The following CFAP100 variants were observed in gnomAD, a reference collection of about 807,000 sequenced individuals.
CFAP100 encodes the protein cilia- and flagella-associated protein 100.
CFAP100 carries 70 observed loss-of-function variants against 81.5 expected under a neutral mutation model. That is an observed-to-expected ratio of 0.86 (90% CI 0.71 to 1.05). The LOEUF is 1.05. Among genes scored for constraint, CFAP100 ranks in the 50% least tolerant of loss-of-function variants. The pLI is 0.00. For synonymous variants in CFAP100, 341 were observed against 314.8 expected, an observed-to-expected ratio of 1.08 and a Z score of -0.88; for missense variants, 811 against 776.5, an observed-to-expected ratio of 1.04 and a Z score of -0.53.
intron 13 of CFAP100, among the ~76,000 whole-genome samples, chr3:126,424,152 G>A (rs2083376654): frequency 6.6e-6 from 1 of 152,242 alleles, no homozygotes; most frequent in African/African-American, 2.4e-5. Context: ...GCTGTGAAGT[G>A]TGTCCCCTGC....
At position 126,407,241 on chromosome 3, in the gene CFAP100, GA is replaced by G; in HGVS notation, c.125del (p.Asn42ThrfsTer48). On this transcript the variant is annotated frameshift_variant, in exon 3 of 17. Coordinates refer to ENST00000352312, the MANE Select transcript of CFAP100 (RefSeq NM_182628.3). LOFTEE classifies it high-confidence loss of function. ...STEENPKKQARKNEEHGPDPS... is the reference protein window; with the variant it reads ...STEENPKKQAXKNEEHGPDPS... ...GAAGAGAACCCAAAGAAACAGGCAA[GA>G]AAAAACGAAGGTAACCTTCAAGCTG... The G allele has an allele frequency of 6.2e-7, 1 of 1,600,510 alleles. No individual in the cohort carries two copies. The highest frequency in any genetic ancestry group is 8.5e-7 in the Non-Finnish European group (1 of 1,172,266).
intron 13 of CFAP100, among the ~76,000 whole-genome samples, chr3:126,427,866 C>A (rs968889570): frequency 6.6e-6 from 1 of 152,182 alleles, no homozygotes; most frequent in African/African-American, 2.4e-5. Flanking sequence ...AGGGAACTTA[C>A]AGTCATAGCA....
At chr3:126,418,281 TTCTC>T in intron 5 of CFAP100, 173 bp from the exon 6 acceptor site, 1 of 610,194 alleles carries the variant, frequency 1.6e-6, no homozygotes, top group Non-Finnish European at 2.9e-6. Context: ...AGGCAGAGCC[TTCTC>T]TCTTTTTGTG....
chr3:126,426,335 C>T (rs1011944201), intron 13 of CFAP100, among the ~76,000 whole-genome samples: 5 of 151,912 alleles, frequency 3.3e-5, no homozygotes, highest in African/African-American at 4.8e-5. Flanking sequence ...TGGTGGCACA[C>T]ATCTGAAGTC....
At chr3:126,434,709 A>C in intron 15 of CFAP100, 1 of 287,734 alleles carries the variant, frequency 3.5e-6, no homozygotes, top group Non-Finnish European at 6.6e-6. Flanking sequence ...ACAGCAGTGG[A>C]GGGCTTTAAG....
intron 3 of CFAP100, among the ~76,000 whole-genome samples, chr3:126,408,875 A>G (rs965197396): frequency 6.6e-6 from 1 of 151,940 alleles, no homozygotes; most frequent in African/African-American, 2.4e-5. Flanking sequence ...TGCAGCCTCA[A>G]CCTCCTGGGT....
intron 1 of CFAP100, chr3:126,395,206 G>C (rs1415430602): frequency 1.3e-5 from 2 of 152,282 alleles, no homozygotes; most frequent in Non-Finnish European, 2.9e-5. Context: ...GTGTGGCTCG[G>C]GGCCTTGCAG....
At position 126,407,367 on chromosome 3, in the gene CFAP100, C is replaced by A. The variant is rs2083082054; in HGVS notation, c.130+115C>A. 7 of 603,474 alleles carry A rather than the reference C, an allele frequency of 1.2e-5. No individual in the cohort carries two copies. In the South Asian group the frequency reaches 1.7e-4, roughly 14 times the overall value. The allele number at this position is 603,474 out of a possible 1,614,324, so 37.4% of individuals were successfully genotyped here. A position where few individuals can be genotyped will look rare whatever the true frequency, so the allele number is the denominator to read the frequency against. On this transcript the variant is annotated intron_variant, in intron 3 of 16. Coordinates refer to ENST00000352312, the MANE Select transcript of CFAP100 (RefSeq NM_182628.3). ...GAGCTAAGGGCAGAAGGAAATGTTT[C>A]TCTTTCCATTAGGAATTGGGTTGAC...
At chr3:126,424,470 T>C (rs2083381232) in intron 13 of CFAP100, among the ~76,000 whole-genome samples, 1 of 152,188 alleles carries the variant, frequency 6.6e-6, no homozygotes, top group African/African-American at 2.4e-5. Flanking sequence ...GCTATTATGG[T>C]CCCTCCTGCT....
intron 14 of CFAP100, 40 bp downstream of exon 14, chr3:126,433,244 G>C (rs776766661): frequency 3.1e-6 from 5 of 1,610,050 alleles, no homozygotes; most frequent in Non-Finnish European, 4.2e-6. Context: ...CCAGGGTAAG[G>C]AGGGACCCTT....
chr3:126,421,903 T>C (rs2083337923), intron 11 of CFAP100, among the ~76,000 whole-genome samples: 1 of 152,254 alleles, frequency 6.6e-6, no homozygotes, highest in African/African-American at 2.4e-5. Flanking sequence ...CAGTTCTGCG[T>C]TGAGGAGCAG....
At chr3:126,426,265 C>G (rs2083402187) in intron 13 of CFAP100, among the ~76,000 whole-genome samples, 1 of 151,608 alleles carries the variant, frequency 6.6e-6, no homozygotes, top group Non-Finnish European at 1.5e-5. Flanking sequence ...GAGATCGAGA[C>G]CAGCCTGGGC....
At chr3:126,411,659 G>C (rs2083158722) in intron 3 of CFAP100, among the ~76,000 whole-genome samples, 1 of 151,980 alleles carries the variant, frequency 6.6e-6, no homozygotes, top group African/African-American at 2.4e-5. Flanking sequence ...TGTGTTTCCA[G>C]GAATTTACCA....
intron 2 of CFAP100, among the ~76,000 whole-genome samples, chr3:126,399,307 C>T (rs2082935328): frequency 6.6e-6 from 1 of 152,216 alleles, no homozygotes; most frequent in African/African-American, 2.4e-5. Flanking sequence ...ACCTGTTAGC[C>T]TGCAAGCTCT....
rs1286191710 is a variant in CFAP100, at chr3:126,432,959, C to T, written c.1287-110C>T. The stretch of plus-strand genomic sequence containing the variant: ...AGACTTGGCACCCATGATCCTTCAG[C>T]CCTCAGGACAGCTGGTAGGGGCAAA... On this transcript the variant is annotated intron_variant, in intron 13 of 16. Transcript: ENST00000352312. The T allele has an allele frequency of 2.4e-6, 3 of 1,267,040 alleles. No individual in the cohort carries two copies. In the East Asian group the frequency reaches 7.6e-5, roughly 32 times the overall value. 78.5% of individuals were successfully genotyped at this position (1,267,040 alleles called of 1,614,324 possible).
intron 5 of CFAP100, chr3:126,416,827 C>A: frequency 3.9e-6 from 1 of 255,620 alleles, no homozygotes; most frequent in Admixed American, 5.4e-5. Context: ...GAGAAAGAGA[C>A]CCTTTGCCTA....
intron 4 of CFAP100, among the ~76,000 whole-genome samples, chr3:126,415,203 C>T (rs2083215469): frequency 6.6e-6 from 1 of 152,116 alleles, no homozygotes; most frequent in Non-Finnish European, 1.5e-5. Flanking sequence ...CCACCACACC[C>T]AACAGGGTCA....
intron 13 of CFAP100, among the ~76,000 whole-genome samples, chr3:126,426,488 A>G (rs1932943157): frequency 6.6e-6 from 1 of 151,308 alleles, no homozygotes; most frequent in African/African-American, 2.4e-5. Flanking sequence ...GCAATGGCTC[A>G]TGCCTGTAAT....
chr3:126,414,362 C>T, intron 4 of CFAP100, 183 bp downstream of exon 4: 1 of 697,444 alleles, frequency 1.4e-6, no homozygotes, highest in South Asian at 1.5e-5. Context: ...TCAGGACTCA[C>T]AGCATCCCAC....
Sources: allele counts gnomAD v4.1 joint callset (sites outside exome capture counted in the v4.1 genomes callset), GRCh38; gene constraint gnomAD v4.1.1; transcripts MANE v1.5; gene names NCBI Gene and HGNC (gene_info 2026-07-23, HGNC 2026-07-21).